The following KCNN4 variants were observed in gnomAD, a reference collection of about 807,000 sequenced individuals.
The protein encoded by KCNN4 is intermediate conductance calcium-activated potassium channel protein 4.
Under a neutral mutation model 45.2 loss-of-function variants are expected in KCNN4, and 31 were observed. The ratio of observed to expected loss-of-function variants is 0.69; its 90% CI spans 0.52 to 0.92. KCNN4 has a LOEUF of 0.92. Ranked by LOEUF, KCNN4 falls within the 40% of genes least tolerant of loss-of-function variation. The probability of loss-of-function intolerance (pLI) is 0.00; values close to 1 mark genes in which losing one functional copy is unlikely to be tolerated. For missense variants in KCNN4, 463 were observed against 574.0 expected, an observed-to-expected ratio of 0.81 and a Z score of 1.98; for synonymous variants, 231 against 254.6, an observed-to-expected ratio of 0.91 and a Z score of 0.88.
intron 2 of KCNN4, among the ~76,000 whole-genome samples, chr19:43,775,892 C>A (rs1969787195): frequency 6.6e-6 from 1 of 151,796 alleles, no homozygotes; most frequent in Admixed American, 6.6e-5. Context: ...TTTGGGAGGA[C>A]AAGGTGGGCA....
chr19:43,775,659 A>G (rs941834253), intron 2 of KCNN4, among the ~76,000 whole-genome samples: 2 of 152,132 alleles, frequency 1.3e-5, no homozygotes, highest in Non-Finnish European at 2.9e-5. Context: ...AAGTTATGAT[A>G]GGAGAGGGGG....
In KCNN4 at chr19:43,768,978, C is replaced by T; in HGVS notation, c.1104G>A (p.Met368Ile). 1 of 1,614,060 alleles carries T rather than the reference C, an allele frequency of 6.2e-7. No individual in the cohort carries two copies. The highest frequency in any genetic ancestry group is 8.5e-7 in the Non-Finnish European group (1 of 1,179,946). Reference sequence around the variant, plus strand: ...ATCCTAGTACCTTGGAGATGTCCACCATGGAGTTCACTTGTTCCCGGAGCT... The same window carrying T: ...ATCCTAGTACCTTGGAGATGTCCACTATGGAGTTCACTTGTTCCCGGAGCT... ...HRKLREQVNS[M>I]VDISKMHMIL... Residue 368 changes from methionine (M) to isoleucine (I), a missense_variant, in exon 7 of 9, where the codon ATG (methionine) becomes ATA (isoleucine). Met to Ile is a conservative substitution (Grantham distance 10). Transcript: ENST00000648319.
chr19:43,772,845 T>G lies in KCNN4; in HGVS notation c.684-710A>C, dbSNP rs1969681392. On this transcript the variant is annotated intron_variant, in intron 3 of 8. Transcript: ENST00000648319. The surrounding 1 kb of genome is among the most constrained non-coding windows in gnomAD (Gnocchi z 4.4). ...CTGTTCACAAACCCCACCCCCTCATTCCGAAGTACATTCTAGTTTCAGGAC... is the reference window on the plus strand; with the variant it reads ...CTGTTCACAAACCCCACCCCCTCATGCCGAAGTACATTCTAGTTTCAGGAC... Among the ~76,000 whole-genome samples the G allele has an allele frequency of 6.6e-6, 1 of 152,194 alleles. No individual in the cohort carries two copies. Among genetic ancestry groups the G allele is most frequent in the Admixed American group, 6.5e-5 (1 of 15,276 alleles).
At chr19:43,779,646 CTGACCA>C (rs1162390747) in intron 1 of KCNN4, among the ~76,000 whole-genome samples, 4 of 152,106 alleles carry the variant, frequency 2.6e-5, no homozygotes, top group African/African-American at 9.7e-5. Flanking sequence ...CATCACTGGC[CTGACCA>C]GGGCTGGAAT....
At chr19:43,777,825 C>T (rs1024455326) in intron 1 of KCNN4, among the ~76,000 whole-genome samples, 1 of 152,128 alleles carries the variant, frequency 6.6e-6, no homozygotes, top group Non-Finnish European at 1.5e-5. Flanking sequence ...ACCACCTGGG[C>T]GTCCTTACAA....
In KCNN4 at chr19:43,769,159, C is replaced by G. The variant is rs1969562769; in HGVS notation, c.1050-127G>C. 9.2e-7 allele frequency: 1 copy of G among 1,082,902 alleles called. No individual in the cohort carries two copies. Among genetic ancestry groups the G allele is most frequent in the South Asian group, 1.3e-5 (1 of 74,486 alleles). 67.1% of individuals were successfully genotyped at this position (1,082,902 alleles called of 1,614,324 possible). On this transcript the variant is annotated intron_variant, in intron 6 of 8. Transcript: ENST00000648319. The surrounding 1 kb of genome is among the most constrained non-coding windows in gnomAD (Gnocchi z 4.4). ...ACAAAGAAACAAAGTTGTCGAAGAG[C>G]TGAAAGAGTGGGAGGGGATGCACCC... is the stretch of plus-strand genomic sequence containing the variant.
At chr19:43,776,660 G>A (rs199948160) in intron 1 of KCNN4, 24 bp from the exon 2 acceptor site, 88 of 1,514,868 alleles carry the variant, frequency 5.8e-5, no homozygotes, top group African/African-American at 8.2e-5. Flanking sequence ...CGGAAAAAGC[G>A]GTGTGAGATC....
rs556927859 is a variant in KCNN4, at chr19:43,776,214, C to T, written c.255+327G>A. Among the ~76,000 whole-genome samples the T allele has an allele frequency of 4.1e-5, 6 of 148,064 alleles. No individual in the cohort carries two copies. In the South Asian group the frequency reaches 1.3e-3, roughly 32 times the overall value. ...GAGGACTGGATTGGGGATGCCATGT[C>T]GGAGCACAGAGATCTGGGAAGCTGA... On this transcript the variant is annotated intron_variant, in intron 2 of 8. Transcript: ENST00000648319.
At chr19:43,776,717 ATTT>A in intron 1 of KCNN4, 81 bp from the exon 2 acceptor site, 9 of 672,746 alleles carry the variant, frequency 1.3e-5, no homozygotes, top group Admixed American at 2.7e-5. Flanking sequence ...CAAAACCACC[ATTT>A]TTTTTTTTTG....
At position 43,767,654 on chromosome 19, in the gene KCNN4, G is replaced by A. The variant is rs773963129; in HGVS notation, c.1173C>T (p.Ala391=). 7.4e-6 allele frequency: 12 copies of A among 1,614,136 alleles called. No homozygotes were observed. The South Asian group carries it at 1.3e-4, about 18-fold the overall frequency. ...LQQNLSSSHR[A]LEKQIDTLAG... ...CCAGCGTGTCAATCTGTTTCTCCAG[G>A]GCCCGGTGTGAGCTGCTCAGATTCT... The change falls in exon 8 of 9, where the codon GCC becomes GCT. Residue 391 remains alanine, a synonymous_variant. Coordinates refer to ENST00000648319, the MANE Select transcript of KCNN4 (RefSeq NM_002250.3).
At chr19:43,775,946 G>C (rs529970653) in intron 2 of KCNN4, among the ~76,000 whole-genome samples, 16 of 151,984 alleles carry the variant, frequency 1.1e-4, no homozygotes, top group African/African-American at 3.9e-4. Context: ...GGACAACATA[G>C]TGAAACCCCG....
intron 1 of KCNN4, among the ~76,000 whole-genome samples, chr19:43,777,980 C>T (rs1343692944): frequency 6.6e-6 from 1 of 152,152 alleles, no homozygotes; most frequent in African/African-American, 2.4e-5. Context: ...CTGTTGTCAC[C>T]AGCCCTCCCC....
intron 8 of KCNN4, 167 bp downstream of exon 8, chr19:43,767,373 T>C: frequency 1.3e-6 from 1 of 796,628 alleles, no homozygotes; most frequent in South Asian, 1.8e-5. Flanking sequence ...CTTCCTTCAC[T>C]GCCAGTCCAG....
Position 43,769,960 on chromosome 19 carries a change from G to A in KCNN4, c.820-131C>T. On this transcript the variant is annotated intron_variant, in intron 4 of 8. Transcript: ENST00000648319. This position sits in a 1 kb window ranked among gnomAD's most constrained non-coding sequence, Gnocchi z 4.4. Reference sequence around the variant, plus strand: ...CAAGCAAAGAGGCTCAGAGAGGAGAGCCAAGGTCCCAGCTCAGAGCGGTGG... The same window carrying A: ...CAAGCAAAGAGGCTCAGAGAGGAGAACCAAGGTCCCAGCTCAGAGCGGTGG... 8 of 647,078 alleles carry A rather than the reference G, an allele frequency of 1.2e-5. No individual in the cohort carries two copies. The South Asian group carries it at 1.2e-4, about 10-fold the overall frequency. The allele number at this position is 647,078 out of a possible 1,614,324, so 40.1% of individuals were successfully genotyped here.
rs1599675635 is a variant in KCNN4, at chr19:43,772,642, C to G, written c.684-507G>C. Among the ~76,000 whole-genome samples the G allele has an allele frequency of 6.6e-6, 1 of 152,174 alleles. No individual in the cohort carries two copies. The highest frequency in any genetic ancestry group is 6.5e-5 in the Admixed American group (1 of 15,276). On this transcript the variant is annotated intron_variant, in intron 3 of 8. Coordinates refer to ENST00000648319, the MANE Select transcript of KCNN4 (RefSeq NM_002250.3). The surrounding 1 kb of genome is among the most constrained non-coding windows in gnomAD (Gnocchi z 4.4). ...GTGGGACTCGGCCTTCCTTTCCTCTCACTTCACAGAGGAGACATTTAAGTC... is the reference window on the plus strand; with the variant it reads ...GTGGGACTCGGCCTTCCTTTCCTCTGACTTCACAGAGGAGACATTTAAGTC...
chr19:43,771,444 C>T (rs528305856), intron 4 of KCNN4, among the ~76,000 whole-genome samples: 26 of 152,168 alleles, frequency 1.7e-4, no homozygotes, highest in Non-Finnish European at 3.2e-4. Context: ...TCACGTGGCT[C>T]GCCTGAGCTC....
intron 1 of KCNN4, among the ~76,000 whole-genome samples, chr19:43,777,894 C>T (rs750540349): frequency 7.2e-5 from 11 of 152,210 alleles, no homozygotes; most frequent in African/African-American, 1.2e-4. Context: ...GCCAGCATCC[C>T]GCCTCTGAGC....
Position 43,776,613 on chromosome 19 carries a change from A to C in KCNN4, c.183T>G (p.Val61=). The C allele has an allele frequency of 6.2e-7, 1 of 1,613,828 alleles. No individual in the cohort carries two copies. The highest frequency in any genetic ancestry group is 8.5e-7 in the Non-Finnish European group (1 of 1,179,694). Residue 61 remains valine (V), a synonymous_variant, in exon 2 of 9, where the codon GTT becomes GTG. Coordinates refer to ENST00000648319, the MANE Select transcript of KCNN4 (RefSeq NM_002250.3). ...GCSWALYLFL[V]KCTISISTFL... is the part of the protein sequence containing the mutation. ...AGGTGGAAATGCTGATCGTGCATTT[A>C]ACCAGGAACAGGTAGAGCGCCCACT... is the stretch of plus-strand genomic sequence containing the variant.
rs539813216 is a variant in KCNN4 at position 43,771,974 on chromosome 19, C to A, written c.819+26G>T. On this transcript the variant is annotated intron_variant, in intron 4 of 8. Transcript: ENST00000648319. ...AGGATGACCAGTTTGGGATAGGGAT[C>A]ATGTCCCCAAGGCAGCTGTACTCAC... The A allele has an allele frequency of 1.9e-6, 3 of 1,573,384 alleles. No individual in the cohort carries two copies. In the Admixed American group the frequency reaches 5.8e-5, roughly 30 times the overall value.
Sources: gnomAD v4.1 joint callset for allele counts (sites outside exome capture counted in the v4.1 genomes callset) on GRCh38, gnomAD v4.1.1 for gene constraint, Gnocchi (gnomAD v3.1) non-coding constraint, MANE v1.5 for transcripts, NCBI Gene and HGNC (gene_info 2026-07-23, HGNC 2026-07-21) for gene names.